The following AKAP19 variants were observed in gnomAD, a reference collection of about 807,000 sequenced individuals.
AKAP19 encodes small A-kinase anchoring protein.
chr2:190,027,450 A>C, the AKAP19 span, among the ~76,000 whole-genome samples: 2 of 152,184 alleles, frequency 1.3e-5, no homozygotes, highest in Non-Finnish European at 1.5e-5. Flanking sequence ...AAGTGGGAGG[A>C]ATTATTAGAA....
the AKAP19 span, among the ~76,000 whole-genome samples, chr2:190,002,468 A>G: frequency 6.6e-6 from 1 of 152,170 alleles, no homozygotes; most frequent in Non-Finnish European, 1.5e-5. Context: ...GTTGCAGCAC[A>G]CCAACATGGC....
At chr2:190,012,683 G>A in the AKAP19 span, among the ~76,000 whole-genome samples, 3 of 152,218 alleles carry the variant, frequency 2.0e-5, no homozygotes, top group East Asian at 5.8e-4. Flanking sequence ...TCATTGTCTT[G>A]TTCCTGATCT....
At chr2:190,038,940 C>CTTCTTG in the AKAP19 span, among the ~76,000 whole-genome samples, 3 of 143,446 alleles carry the variant, frequency 2.1e-5, no homozygotes, top group Non-Finnish European at 4.5e-5. Context: ...TCTTCTTCTT[C>CTTCTTG]TTCTTCTTCT....
the AKAP19 span, among the ~76,000 whole-genome samples, chr2:190,172,082 G>A: frequency 6.6e-6 from 1 of 152,150 alleles, no homozygotes; most frequent in Non-Finnish European, 1.5e-5. Flanking sequence ...TTCTCTCATA[G>A]ACTCATTTTT....
chr2:190,001,264 C>A, the AKAP19 span, among the ~76,000 whole-genome samples: 1 of 152,108 alleles, frequency 6.6e-6, no homozygotes, highest in East Asian at 1.9e-4. Context: ...TGGTTTGGTT[C>A]TTTGAAAATA....
At chr2:190,141,632 A>G in the AKAP19 span, among the ~76,000 whole-genome samples, 1 of 152,196 alleles carries the variant, frequency 6.6e-6, no homozygotes, top group Admixed American at 6.5e-5. Context: ...AACCACCCCC[A>G]TGATTCAGTT....
At chr2:189,908,024 C>T in the AKAP19 span, among the ~76,000 whole-genome samples, 1 of 151,756 alleles carries the variant, frequency 6.6e-6, no homozygotes, top group South Asian at 2.1e-4. Context: ...ATGATCTTTT[C>T]CATTGTCTTT....
chr2:190,200,679 T>G, the AKAP19 span: 1 of 169,934 alleles, frequency 5.9e-6, no homozygotes, highest in Non-Finnish European at 1.4e-5. Flanking sequence ...AGATAAGATA[T>G]TTATTTTTGT....
At chr2:190,069,559 A>G in the AKAP19 span, among the ~76,000 whole-genome samples, 1 of 152,162 alleles carries the variant, frequency 6.6e-6, no homozygotes, top group Non-Finnish European at 1.5e-5. Flanking sequence ...AGGTAGTAAT[A>G]GCCTTAGAAA....
At chr2:190,056,151 G>T in the AKAP19 span, 6 of 152,524 alleles carry the variant, frequency 3.9e-5, no homozygotes. Flanking sequence ...TATTTAATCT[G>T]CTAATTTGCT....
At chr2:190,076,292 T>C in the AKAP19 span, among the ~76,000 whole-genome samples, 3 of 152,162 alleles carry the variant, frequency 2.0e-5, no homozygotes, top group Non-Finnish European at 4.4e-5. Context: ...GCTCAACTTA[T>C]TGGATGCTAG....
the AKAP19 span, among the ~76,000 whole-genome samples, chr2:190,173,675 T>C: frequency 6.6e-6 from 1 of 152,238 alleles, no homozygotes; most frequent in Non-Finnish European, 1.5e-5. Context: ...CATCGTCTTC[T>C]AAGTTATAAC....
chr2:190,090,470 A>G, the AKAP19 span, among the ~76,000 whole-genome samples: 1 of 152,204 alleles, frequency 6.6e-6, no homozygotes, highest in African/African-American at 2.4e-5. Flanking sequence ...CAGGCACATT[A>G]GTGAGATAGC....
chr2:190,103,684 T>C, the AKAP19 span, among the ~76,000 whole-genome samples: 13 of 152,144 alleles, frequency 8.5e-5, no homozygotes, highest in Non-Finnish European at 1.8e-4. Context: ...AAAGAAATCA[T>C]AGATGACACA....
At chr2:189,902,078 T>G in the AKAP19 span, among the ~76,000 whole-genome samples, 1 of 152,060 alleles carries the variant, frequency 6.6e-6, no homozygotes, top group Non-Finnish European at 1.5e-5. Context: ...AGAACCATAC[T>G]TTTTATAATT....
the AKAP19 span, among the ~76,000 whole-genome samples, chr2:190,199,271 TCA>T: frequency 1.3e-5 from 2 of 152,214 alleles, no homozygotes; most frequent in Admixed American, 6.5e-5. Context: ...ACATGGTCTG[TCA>T]CAGTTATTCA....
the AKAP19 span, among the ~76,000 whole-genome samples, chr2:190,021,448 A>G: frequency 6.6e-6 from 1 of 152,218 alleles, no homozygotes; most frequent in African/African-American, 2.4e-5. Context: ...TGCTTAGCTT[A>G]TTAAATAATT....
the AKAP19 span, among the ~76,000 whole-genome samples, chr2:189,994,394 G>A: frequency 6.6e-6 from 1 of 151,840 alleles, no homozygotes. Context: ...CCTTAAGATT[G>A]TCTGTTTATG....
chr2:189,980,365 G>T, the AKAP19 span, among the ~76,000 whole-genome samples: 12 of 152,126 alleles, frequency 7.9e-5, no homozygotes, highest in African/African-American at 2.2e-4. Flanking sequence ...TTGAAATGGG[G>T]TCTCACTCTG....
Sources: allele counts gnomAD v4.1 joint callset (sites outside exome capture counted in the v4.1 genomes callset), GRCh38; gene constraint gnomAD v4.1.1; transcripts MANE v1.5; gene names NCBI Gene and HGNC (gene_info 2026-07-23, HGNC 2026-07-21).